The following ANKS1B variants were observed in gnomAD, a reference collection of about 807,000 sequenced individuals.
ANKS1B encodes the protein ankyrin repeat and sterile alpha motif domain containing 1B, also known as ankyrin repeat and sterile alpha motif domain-containing protein 1B.
In ANKS1B, 36 loss-of-function variants were observed where a neutral mutation model predicts 148.3. The ratio of observed to expected loss-of-function variants is 0.24; its 90% CI spans 0.19 to 0.32. The LOEUF (loss-of-function observed/expected upper bound fraction) is 0.32, where lower values mean the gene tolerates loss of function less well. ANKS1B is among the 10% of genes least tolerant of loss of function. ANKS1B has a pLI of 1.00. For synonymous variants in ANKS1B, 542 were observed against 560.8 expected, an observed-to-expected ratio of 0.97 and a Z score of 0.47; for missense variants, 1,157 against 1,542.6, an observed-to-expected ratio of 0.75 and a Z score of 4.19.
chr12:99,905,991 T>C (rs1393960140), intron 1 of ANKS1B, among the ~76,000 whole-genome samples: 2 of 152,226 alleles, frequency 1.3e-5, no homozygotes, highest in Non-Finnish European at 2.9e-5. Flanking sequence ...TAGCTGAATC[T>C]TGAAGAGGTC....
chr12:99,769,012 C>CTT (rs11431790), intron 8 of ANKS1B, among the ~76,000 whole-genome samples: 14 of 146,612 alleles, frequency 9.5e-5, no homozygotes, highest in Middle Eastern at 3.6e-3. Context: ...GAAATAAATG[C>CTT]TTTTTTTTTT....
At chr12:99,122,930 TTGAA>T (rs1273538878) in intron 15 of ANKS1B, among the ~76,000 whole-genome samples, 11 of 150,896 alleles carry the variant, frequency 7.3e-5, no homozygotes, top group Non-Finnish European at 1.0e-4. Context: ...AAAATATTTA[TTGAA>T]TGTCTGCCAT....
At chr12:99,527,142 TTC>T (rs2096934643) in intron 9 of ANKS1B, among the ~76,000 whole-genome samples, 1 of 152,162 alleles carries the variant, frequency 6.6e-6, no homozygotes, top group South Asian at 2.1e-4. Context: ...GACAATAAAT[TTC>T]TGTTAAGGTA....
chr12:99,374,841 AT>A (rs1274848277), intron 12 of ANKS1B, among the ~76,000 whole-genome samples: 1 of 152,068 alleles, frequency 6.6e-6, no homozygotes, highest in Non-Finnish European at 1.5e-5. Flanking sequence ...TATTTATTTT[AT>A]TTTTTTACCT....
Position 99,942,317 on chromosome 12 carries a change from A to G in ANKS1B, c.134+41787T>C, listed in dbSNP as rs539201667. Among the ~76,000 whole-genome samples the G allele has an allele frequency of 3.3e-5, 5 of 152,316 alleles. No homozygotes were observed. The South Asian group carries it at 1.0e-3, about 32-fold the overall frequency. Reference sequence around the variant, plus strand: ...AATCACGGAAAATTAGGACTGACAAAAAGGCCACTGGATTTGGGAATAAAA... The same window carrying G: ...AATCACGGAAAATTAGGACTGACAAGAAGGCCACTGGATTTGGGAATAAAA... On this transcript the variant is annotated intron_variant, in intron 1 of 26. Coordinates refer to ENST00000683438, the MANE Select transcript of ANKS1B (RefSeq NM_001352186.2).
chr12:99,014,160 G>A (rs2099941058), intron 17 of ANKS1B, among the ~76,000 whole-genome samples: 1 of 152,122 alleles, frequency 6.6e-6, no homozygotes, highest in African/African-American at 2.4e-5. Context: ...GCATGGTAGT[G>A]ACACAAAAAC....
chr12:99,044,509 G>A lies in ANKS1B; in HGVS notation c.2778+8648C>T, dbSNP rs74507496. On this transcript the variant is annotated intron_variant, in intron 17 of 26. Transcript: ENST00000683438. The stretch of plus-strand genomic sequence containing the variant: ...GGCATACTGGGAAGCTGAGAGTCCA[G>A]GGCAGGTGAATGGGGTTGGAGATGG... Among the ~76,000 whole-genome samples the A allele has an allele frequency of 2.0e-5, 3 of 152,246 alleles. No homozygotes were observed. In the South Asian group the frequency reaches 6.2e-4, roughly 32 times the overall value.
chr12:99,920,002 G>A (rs2094303576), intron 1 of ANKS1B, among the ~76,000 whole-genome samples: 1 of 152,034 alleles, frequency 6.6e-6, no homozygotes, highest in African/African-American at 2.4e-5. Context: ...ATTTCCACTG[G>A]ACAGCACTAA....
intron 9 of ANKS1B, among the ~76,000 whole-genome samples, chr12:99,637,440 A>G (rs2069041263): frequency 6.6e-6 from 1 of 152,172 alleles, no homozygotes; most frequent in African/African-American, 2.4e-5. Flanking sequence ...ATTGGATTGA[A>G]GGATGCAAAG....
intron 17 of ANKS1B, among the ~76,000 whole-genome samples, chr12:98,879,443 C>T (rs1274247743): frequency 6.6e-6 from 1 of 152,170 alleles, no homozygotes; most frequent in Non-Finnish European, 1.5e-5. Context: ...TGATCAGCAA[C>T]CTCAATATGT....
intron 22 of ANKS1B, among the ~76,000 whole-genome samples, chr12:98,793,264 C>A (rs1463532237): frequency 1.3e-5 from 2 of 152,158 alleles, no homozygotes; most frequent in Non-Finnish European, 2.9e-5. Flanking sequence ...TTTTCATATA[C>A]TTTTTGGCCA....
At chr12:99,839,704 A>T (rs2085404744) in intron 1 of ANKS1B, among the ~76,000 whole-genome samples, 6 of 152,150 alleles carry the variant, frequency 3.9e-5, no homozygotes, top group Admixed American at 3.9e-4. Flanking sequence ...GAGTACTATA[A>T]TTACTACACT....
intron 17 of ANKS1B, among the ~76,000 whole-genome samples, chr12:98,917,682 A>G (rs2099796247): frequency 6.6e-6 from 1 of 152,230 alleles, no homozygotes; most frequent in Non-Finnish European, 1.5e-5. Flanking sequence ...TGATAATAAA[A>G]ATGCCTGACA....
intron 13 of ANKS1B, among the ~76,000 whole-genome samples, chr12:99,244,906 G>A (rs2090004916): frequency 6.6e-6 from 1 of 152,184 alleles, no homozygotes. Context: ...CCAGGCTACA[G>A]TGCTGTGGCA....
chr12:98,798,914 A>C lies in ANKS1B; in HGVS notation c.3342+20T>G. The C allele has an allele frequency of 6.2e-7, 1 of 1,603,032 alleles. No individual in the cohort carries two copies. On this transcript the variant is annotated intron_variant, in intron 22 of 26. Transcript: ENST00000683438. Reference sequence around the variant, plus strand: ...TTTAGTATTTCAGCTACTAGAAATAAAGTAGTTTGGCAGACTTACCCGCAT... The same window carrying C: ...TTTAGTATTTCAGCTACTAGAAATACAGTAGTTTGGCAGACTTACCCGCAT...
intron 1 of ANKS1B, among the ~76,000 whole-genome samples, chr12:99,962,316 G>A (rs1484876324): frequency 3.3e-5 from 5 of 151,990 alleles, no homozygotes; most frequent in East Asian, 1.9e-4. Flanking sequence ...TTCTGTTCCC[G>A]TGTTAGTTTG....
intron 10 of ANKS1B, among the ~76,000 whole-genome samples, chr12:99,452,594 G>A (rs1595050027): frequency 6.6e-6 from 1 of 152,204 alleles, no homozygotes; most frequent in Non-Finnish European, 1.5e-5. Context: ...TACCACTTCT[G>A]GGAGAAACAG....
intron 8 of ANKS1B, among the ~76,000 whole-genome samples, chr12:99,665,094 A>C (rs985726259): frequency 2.6e-5 from 4 of 152,194 alleles, no homozygotes; most frequent in African/African-American, 9.7e-5. Context: ...TCACATTAAA[A>C]TCTGTGAGTG....
chr12:99,753,634 G>A (rs549777252), intron 8 of ANKS1B, among the ~76,000 whole-genome samples: 1 of 152,180 alleles, frequency 6.6e-6, no homozygotes, highest in East Asian at 1.9e-4. Flanking sequence ...TGTCTGAAAA[G>A]GATCTTATTT....
Sources: allele counts gnomAD v4.1 joint callset (sites outside exome capture counted in the v4.1 genomes callset), GRCh38; gene constraint gnomAD v4.1.1; transcripts MANE v1.5; gene names NCBI Gene and HGNC (gene_info 2026-07-23, HGNC 2026-07-21).